PCDHA7: variants seen among roughly 807,000 people sequenced by gnomAD.
PCDHA7 encodes the protein protocadherin alpha 7.
Under a neutral mutation model 57.2 loss-of-function variants are expected in PCDHA7, and 37 were observed. The observed-to-expected ratio is 0.65, with a 90% CI of 0.50 to 0.85. The LOEUF is 0.85. Among genes scored for constraint, PCDHA7 ranks in the 40% least tolerant of loss-of-function variants. The probability of loss-of-function intolerance (pLI) is 0.00; values close to 1 mark genes in which losing one functional copy is unlikely to be tolerated. For missense variants in PCDHA7, 1,188 were observed against 1,241.8 expected, an observed-to-expected ratio of 0.96 and a Z score of 0.65; for synonymous variants, 553 against 558.8, an observed-to-expected ratio of 0.99 and a Z score of 0.15.
chr5:140,971,973 A>G (rs1554233757), intron 1 of PCDHA7, among the ~76,000 whole-genome samples: 1 of 152,218 alleles, frequency 6.6e-6, no homozygotes, highest in South Asian at 2.1e-4. Flanking sequence ...TTTCAATACT[A>G]TGAGTAGACA....
At chr5:140,863,829 T>A (rs2048195193) in intron 1 of PCDHA7, 1 of 199,822 alleles carries the variant, frequency 5.0e-6, no homozygotes, top group East Asian at 1.2e-4. Flanking sequence ...TGAAACTCCA[T>A]CTCTACTAAA....
At position 140,835,641 on chromosome 5, in the gene PCDHA7, G is replaced by A. The variant is rs2150240486; in HGVS notation, c.1258G>A (p.Ala420Thr). ...CGCTCTGGACCGCGAGAGTGTGTCC[G>A]CCTATGAGCTGGTGGTTACCGCGCG... ...DSALDRESVS[A>T]YELVVTARDG... The change falls in exon 1 of 4, where the codon GCC becomes ACC. Residue 420 changes from alanine (A) to threonine (T), a missense_variant. Physicochemically the swap from Ala to Thr is moderately conservative, Grantham distance 58. Transcript: ENST00000525929. 5.0e-6 allele frequency: 8 copies of A among 1,613,912 alleles called. No homozygotes were observed. In the South Asian group the frequency reaches 7.7e-5, roughly 16 times the overall value.
intron 1 of PCDHA7, chr5:140,929,268 AAT>A (rs782372972): frequency 7.4e-6 from 12 of 1,611,594 alleles, no homozygotes; most frequent in Non-Finnish European, 1.0e-5. Flanking sequence ...TGAATTTGCC[AAT>A]ATCCTGTATT....
intron 1 of PCDHA7, among the ~76,000 whole-genome samples, chr5:140,954,602 A>G (rs2095062634): frequency 6.6e-6 from 1 of 152,120 alleles, no homozygotes; most frequent in South Asian, 2.1e-4. Flanking sequence ...TTCTTTGCCC[A>G]CTTTTTAATG....
chr5:140,942,633 G>T (rs1554215141), intron 1 of PCDHA7, among the ~76,000 whole-genome samples: 1 of 151,380 alleles, frequency 6.6e-6, no homozygotes, highest in Non-Finnish European at 1.5e-5. Context: ...AAAAAAAATG[G>T]CAAAAGAGAT....
At chr5:140,850,709 G>T in intron 1 of PCDHA7, 1 of 1,598,236 alleles carries the variant, frequency 6.3e-7, no homozygotes, top group East Asian at 2.2e-5. Context: ...GCAAGCCGAC[G>T]CTGGTGTGTT....
chr5:140,942,944 T>C (rs368380576), intron 1 of PCDHA7, among the ~76,000 whole-genome samples: 1 of 151,862 alleles, frequency 6.6e-6, no homozygotes, highest in African/African-American at 2.4e-5. Context: ...GTTTAAAGTG[T>C]AGACGTTCTG....
chr5:140,997,577 T>G (rs2097775398), intron 3 of PCDHA7, among the ~76,000 whole-genome samples: 1 of 152,186 alleles, frequency 6.6e-6, no homozygotes, highest in Admixed American at 6.5e-5. Flanking sequence ...GTGTGGTCCG[T>G]TGTTGACTGA....
rs199928168 is a variant in PCDHA7, at chr5:141,009,915, C to T, written c.2792C>T (p.Thr931Met). The part of the protein sequence containing the change: ...TQEKKEKGNS[T>M]TDNSDQ The stretch of plus-strand genomic sequence containing the variant: ...GAGAAAAAAGAGAAAGGGAACAGCA[C>T]GACTGACAACAGTGACCAGTGAGGT... The change falls in exon 4 of 4, where the codon ACG becomes ATG. Residue 931 changes from threonine to methionine, a missense_variant. Physicochemically the swap from Thr to Met is moderately conservative, Grantham distance 81. This residue lies in a region of PCDHA7 where 892 missense variants were observed against 788.5 expected (regional missense o/e 1.13). Coordinates refer to ENST00000525929, the MANE Select transcript of PCDHA7 (RefSeq NM_018910.3). The T allele has an allele frequency of 9.0e-4, 1,448 of 1,611,544 alleles. 2 individuals carry two copies. Among genetic ancestry groups the T allele is most frequent in the Admixed American group, 3.7e-3 (222 of 59,324 alleles).
rs781924329 is a variant in PCDHA7, at chr5:140,856,796, A to T, written c.2355+20058A>T. 42 of 1,595,540 alleles carry T rather than the reference A, an allele frequency of 2.6e-5. 2 individuals carry two copies. The highest frequency in any genetic ancestry group is 1.8e-4 in the South Asian group (16 of 90,506). ...TGACAGACCGGTTTATGAAGTTAAG[A>T]TGTATGAAAATCAAGTGAACCAAAC... On this transcript the variant is annotated intron_variant, in intron 1 of 3. Transcript: ENST00000525929.
intron 1 of PCDHA7, chr5:140,876,529 A>G (rs375358450): frequency 1.2e-5 from 19 of 1,614,034 alleles, no homozygotes; most frequent in Non-Finnish European, 1.5e-5. Context: ...AGTAATGGTT[A>G]CTTCACTGTC....
At chr5:140,971,958 C>CT (rs1176007834) in intron 1 of PCDHA7, among the ~76,000 whole-genome samples, 3 of 152,054 alleles carry the variant, frequency 2.0e-5, no homozygotes, top group African/African-American at 4.8e-5. Context: ...ACTCCAAAAA[C>CT]TTTTTTTCAA....
chr5:140,852,162 G>A (rs1421376146), intron 1 of PCDHA7: 3 of 836,824 alleles, frequency 3.6e-6, no homozygotes, highest in Non-Finnish European at 4.4e-6. Flanking sequence ...CTTGAGAATA[G>A]AGCCACAAAA....
At position 140,929,318 on chromosome 5, in the gene PCDHA7, A is replaced by G. The variant is rs78197291; in HGVS notation, c.2356-49631A>G. The G allele has an allele frequency of 3.9e-4, 606 of 1,545,240 alleles. 3 individuals carry two copies. The African/African-American group carries it at 7.7e-3, about 20-fold the overall frequency. ...AGGAAAGGGGATCACGCTAATGTCA[A>G]TGCCATGGTAAGCAAATTTTATGGA... On this transcript the variant is annotated intron_variant, in intron 1 of 3. Coordinates refer to ENST00000525929, the MANE Select transcript of PCDHA7 (RefSeq NM_018910.3).
At chr5:140,857,208 C>G (rs1554149670) in intron 1 of PCDHA7, 4 of 1,598,578 alleles carry the variant, frequency 2.5e-6, no homozygotes, top group Non-Finnish European at 3.4e-6. Flanking sequence ...GTCACCTGCT[C>G]TCTGACGCCT....
chr5:140,876,466 G>C, intron 1 of PCDHA7: 1 of 1,614,018 alleles, frequency 6.2e-7, no homozygotes, highest in Non-Finnish European at 8.5e-7. Flanking sequence ...TTCCATGGCA[G>C]GTCACAGCAT....
In PCDHA7 at chr5:140,834,407, C is replaced by T. The variant is rs1554134157; in HGVS notation, c.24C>T (p.Asp8=). 6.2e-7 allele frequency: 1 copy of T among 1,609,944 alleles called. No individual in the cohort carries two copies. The highest frequency in any genetic ancestry group is 2.2e-5 in the East Asian group (1 of 44,836). Residue 8 remains aspartate (D), a synonymous_variant, in exon 1 of 4, where the codon GAC becomes GAT. Coordinates refer to ENST00000525929, the MANE Select transcript of PCDHA7 (RefSeq NM_018910.3). MVCPNGY[D]PGGRHLLLFI... ...AAATGGTGTGCCCGAATGGATACGA[C>T]CCAGGGGGCCGACATCTACTGCTGT...
chr5:140,896,389 G>C (rs2065520134), intron 1 of PCDHA7, among the ~76,000 whole-genome samples: 1 of 152,124 alleles, frequency 6.6e-6, no homozygotes, highest in East Asian at 1.9e-4. Flanking sequence ...AACCTCACCA[G>C]CATCTGTTAT....
intron 1 of PCDHA7, chr5:140,863,483 G>A: frequency 4.3e-6 from 2 of 464,772 alleles, no homozygotes; most frequent in Non-Finnish European, 8.6e-6. Context: ...CGCCTCCCAA[G>A]GTCAACATTA....
Sources: allele counts gnomAD v4.1 joint callset (sites outside exome capture counted in the v4.1 genomes callset), GRCh38; gene constraint gnomAD v4.1.1; regional missense constraint gnomAD v4.1.1; transcripts MANE v1.5; gene names NCBI Gene and HGNC (gene_info 2026-07-23, HGNC 2026-07-21).